The following MRPS27 variants were observed in gnomAD, a reference collection of about 807,000 sequenced individuals.
MRPS27 encodes mitochondrial ribosomal protein S27.
A neutral mutation model predicts 48.9 loss-of-function variants in MRPS27; 43 were observed. The ratio of observed to expected loss-of-function variants is 0.88; its 90% CI spans 0.69 to 1.13. The LOEUF is 1.13. Among genes scored for constraint, MRPS27 ranks in the 50% most tolerant of loss-of-function variants. The pLI, the probability that MRPS27 is intolerant of heterozygous loss-of-function variation, is 0.00. For synonymous variants in MRPS27, 188 were observed against 171.9 expected, an observed-to-expected ratio of 1.09 and a Z score of -0.73; for missense variants, 467 against 476.3, an observed-to-expected ratio of 0.98 and a Z score of 0.18.
Position 72,228,162 on chromosome 5 carries a change from A to T in MRPS27, c.694+104T>A, listed in dbSNP as rs992443561. ...ATGTCTAAAAACGAAGGCTAATTGGATTTCACTGGTAAATTTAAATCAAAT... is the reference window on the plus strand; with the variant it reads ...ATGTCTAAAAACGAAGGCTAATTGGTTTTCACTGGTAAATTTAAATCAAAT... On this transcript the variant is annotated intron_variant, in intron 8 of 10. Coordinates refer to ENST00000261413, the MANE Select transcript of MRPS27 (RefSeq NM_015084.3). 8 of 1,030,366 alleles carry T rather than the reference A, an allele frequency of 7.8e-6. No homozygotes were observed. In the African/African-American group the frequency reaches 1.3e-4, roughly 16 times the overall value. The allele number at this position is 1,030,366 out of a possible 1,614,324, so 63.8% of individuals were successfully genotyped here.
chr5:72,231,231 T>G (rs113184248), intron 7 of MRPS27, among the ~76,000 whole-genome samples: 1,666 of 152,256 alleles, frequency 0.011, 29 homozygotes, highest in African/African-American at 0.038. Context: ...TTCCAGCCCA[T>G]TTCTGCTCAC....
At chr5:72,230,908 T>A (rs577313377) in intron 7 of MRPS27, among the ~76,000 whole-genome samples, 1 of 152,102 alleles carries the variant, frequency 6.6e-6, no homozygotes, top group Non-Finnish European at 1.5e-5. Context: ...AATATGCCCA[T>A]TGGCTACTCT....
chr5:72,248,107 A>C (rs1748554573), intron 4 of MRPS27, among the ~76,000 whole-genome samples: 1 of 152,220 alleles, frequency 6.6e-6, no homozygotes, highest in Non-Finnish European at 1.5e-5. Flanking sequence ...ACTCAGTATG[A>C]CTATAATACA....
At chr5:72,302,499 A>G (rs1209925005) in intron 2 of MRPS27, among the ~76,000 whole-genome samples, 1 of 152,272 alleles carries the variant, frequency 6.6e-6, no homozygotes, top group African/African-American at 2.4e-5. Flanking sequence ...CAAAGAAGAT[A>G]CTGAATAGGA....
chr5:72,250,938 G>A (rs1272333692), intron 4 of MRPS27, among the ~76,000 whole-genome samples: 1 of 152,110 alleles, frequency 6.6e-6, no homozygotes, highest in Non-Finnish European at 1.5e-5. Flanking sequence ...AATGGATTCA[G>A]GATTCTAACC....
chr5:72,221,655 C>T (rs1007106595), intron 10 of MRPS27, among the ~76,000 whole-genome samples: 1 of 152,230 alleles, frequency 6.6e-6, no homozygotes, highest in Non-Finnish European at 1.5e-5. Flanking sequence ...CAAGCCCAAC[C>T]ATACATGTGC....
At chr5:72,226,246 C>T in intron 8 of MRPS27, 47 bp from the exon 9 acceptor site, 1 of 1,609,296 alleles carries the variant, frequency 6.2e-7, no homozygotes. Flanking sequence ...TGTCTTCCCA[C>T]CATTTCTAAG....
At chr5:72,311,330 AAGG>A (rs1288848370) in intron 2 of MRPS27, among the ~76,000 whole-genome samples, 3 of 152,318 alleles carry the variant, frequency 2.0e-5, no homozygotes, top group East Asian at 3.9e-4. Flanking sequence ...ATACAGGGGG[AAGG>A]AGGAGAGAGA....
intron 4 of MRPS27, among the ~76,000 whole-genome samples, chr5:72,276,826 T>TC (rs896281074): frequency 6.6e-6 from 1 of 151,772 alleles, no homozygotes; most frequent in African/African-American, 2.4e-5. Context: ...GGTCAGGAGA[T>TC]CGAGACCATC....
At chr5:72,302,376 G>A (rs1489405654) in intron 2 of MRPS27, among the ~76,000 whole-genome samples, 1 of 152,142 alleles carries the variant, frequency 6.6e-6, no homozygotes, top group African/African-American at 2.4e-5. Flanking sequence ...GAGGTAGCAC[G>A]AGAGACTTAA....
At chr5:72,252,240 G>A (rs949728590) in intron 4 of MRPS27, among the ~76,000 whole-genome samples, 1 of 152,096 alleles carries the variant, frequency 6.6e-6, no homozygotes, top group Non-Finnish European at 1.5e-5. Context: ...TGCAACCATA[G>A]GAAAGTCTAA....
intron 4 of MRPS27, among the ~76,000 whole-genome samples, chr5:72,272,831 C>T (rs1444209667): frequency 3.9e-5 from 6 of 152,044 alleles, no homozygotes; most frequent in Non-Finnish European, 8.8e-5. Flanking sequence ...ACTATTTGGC[C>T]CTTTACAGAA....
At chr5:72,226,697 AT>A (rs1351065324) in intron 8 of MRPS27, among the ~76,000 whole-genome samples, 1 of 130,164 alleles carries the variant, frequency 7.7e-6, no homozygotes, top group African/African-American at 2.7e-5. Flanking sequence ...CCCAATCCTT[AT>A]GAAAAAAAAA....
At chr5:72,244,771 G>A (rs1197110808) in intron 4 of MRPS27, among the ~76,000 whole-genome samples, 2 of 151,468 alleles carry the variant, frequency 1.3e-5, no homozygotes, top group Admixed American at 1.3e-4. Context: ...TTCCTGCCTT[G>A]GCCTCTCATC....
intron 4 of MRPS27, among the ~76,000 whole-genome samples, chr5:72,243,025 G>A (rs146565276): frequency 8.5e-5 from 13 of 152,322 alleles, no homozygotes; most frequent in Non-Finnish European, 1.5e-4. Flanking sequence ...ACACACACAT[G>A]CAGCTTTCCC....
chr5:72,265,429 T>A (rs1459205951), intron 4 of MRPS27, among the ~76,000 whole-genome samples: 1 of 152,190 alleles, frequency 6.6e-6, no homozygotes, highest in South Asian at 2.1e-4. Context: ...GGAAATACAA[T>A]TAATTATTTG....
At chr5:72,278,742 T>A (rs12187394) in intron 4 of MRPS27, among the ~76,000 whole-genome samples, 9,623 of 152,260 alleles carry the variant, frequency 0.063, 546 homozygotes, top group African/African-American at 0.15. Context: ...ACCTTTTTTT[T>A]ACTCATTATG....
rs80028826 is a variant in MRPS27 at position 72,293,224 on chromosome 5, G to A, written c.281+2307C>T. Reference sequence around the variant, plus strand: ...CCCAGCCAATCTCCACTGTTCCGACGCAGCTTTGTAGAGTTCTACCTAGTC... The same window carrying A: ...CCCAGCCAATCTCCACTGTTCCGACACAGCTTTGTAGAGTTCTACCTAGTC... On this transcript the variant is annotated intron_variant, in intron 4 of 10. Transcript: ENST00000261413. 3.7e-3 allele frequency among the ~76,000 whole-genome samples: 566 copies of A among 151,856 alleles called. 1 individual carries two copies. The highest frequency in any genetic ancestry group is 0.013 in the African/African-American group (549 of 41,368).
At chr5:72,304,063 T>C (rs1407433086) in intron 2 of MRPS27, among the ~76,000 whole-genome samples, 2 of 152,000 alleles carry the variant, frequency 1.3e-5, no homozygotes, top group Non-Finnish European at 2.9e-5. Context: ...GGATAAAACT[T>C]TATTATTAGA....
Sources: gnomAD v4.1 joint callset for allele counts (sites outside exome capture counted in the v4.1 genomes callset) on GRCh38, gnomAD v4.1.1 for gene constraint, MANE v1.5 for transcripts, NCBI Gene and HGNC (gene_info 2026-07-23, HGNC 2026-07-21) for gene names.